Variants in EED observed in about 807,000 individuals in gnomAD.
EED encodes the protein polycomb protein EED.
Under a neutral mutation model 61.0 loss-of-function variants are expected in EED, and 9 were observed. The observed-to-expected ratio is 0.15, with a 90% CI of 0.09 to 0.26. The LOEUF (loss-of-function observed/expected upper bound fraction) is 0.26, where lower values mean the gene tolerates loss of function less well. Ranked by LOEUF, EED falls within the 10% of genes least tolerant of loss-of-function variation. The probability of loss-of-function intolerance (pLI) is 1.00; values close to 1 mark genes in which losing one functional copy is unlikely to be tolerated. For synonymous variants in EED, 187 were observed against 174.4 expected, an observed-to-expected ratio of 1.07 and a Z score of -0.57; for missense variants, 315 against 542.3, an observed-to-expected ratio of 0.58 and a Z score of 4.16.
chr11:86,248,358 A>G (rs1945442367), intron 1 of EED, among the ~76,000 whole-genome samples: 1 of 152,224 alleles, frequency 6.6e-6, no homozygotes, highest in South Asian at 2.1e-4. Context: ...CCTATTAACG[A>G]ATGTTTTGTG....
chr11:86,278,215 GTTGAAC>G, intron 11 of EED, 178 bp from the exon 12 acceptor site: 1 of 1,334,816 alleles, frequency 7.5e-7, no homozygotes. Context: ...TGTAGTGCTT[GTTGAAC>G]TTAAAATATA....
At chr11:86,270,482 A>G (rs1345571489) in intron 9 of EED, among the ~76,000 whole-genome samples, 1 of 151,548 alleles carries the variant, frequency 6.6e-6, no homozygotes, top group Non-Finnish European at 1.5e-5. Flanking sequence ...ATCCTCTTTA[A>G]TAGGGTCTTT....
chr11:86,267,000 G>A (rs1741126537), intron 8 of EED, among the ~76,000 whole-genome samples: 1 of 152,104 alleles, frequency 6.6e-6, no homozygotes, highest in Non-Finnish European at 1.5e-5. Context: ...TCAGACCTAA[G>A]TGTCCTCTAA....
rs1817362083 is a variant in EED at position 86,267,572 on chromosome 11, T to A, written c.861-884T>A. Among the ~76,000 whole-genome samples the A allele has an allele frequency of 2.0e-5, 3 of 152,262 alleles. No individual in the cohort carries two copies. The South Asian group carries it at 6.2e-4, about 32-fold the overall frequency. On this transcript the variant is annotated intron_variant, in intron 8 of 11. Coordinates refer to ENST00000263360, the MANE Select transcript of EED (RefSeq NM_003797.5). ...TTTAGTTTCCTAAATACAGAAATTA[T>A]TTGGAAAAGTCCTAGGAAATTTTAT... is the stretch of plus-strand genomic sequence containing the variant.
At chr11:86,275,266 A>G (rs1490528190) in intron 9 of EED, among the ~76,000 whole-genome samples, 2 of 152,326 alleles carry the variant, frequency 1.3e-5, no homozygotes, top group East Asian at 3.9e-4. Flanking sequence ...CATCTGCTAC[A>G]TTGTTCCACC....
intron 1 of EED, among the ~76,000 whole-genome samples, chr11:86,246,520 G>A (rs1425178913): frequency 6.6e-6 from 1 of 152,146 alleles, no homozygotes. Context: ...AGATGGGAAA[G>A]GATTCTTTTT....
chr11:86,263,997 C>T (rs1417564634), intron 6 of EED, 175 bp from the exon 7 acceptor site: 1 of 566,398 alleles, frequency 1.8e-6, no homozygotes, highest in Non-Finnish European at 3.1e-6. Context: ...TAGCACTTAC[C>T]TAGCTAATTC....
At chr11:86,251,845 C>T (rs1220359027) in intron 2 of EED, among the ~76,000 whole-genome samples, 1 of 152,146 alleles carries the variant, frequency 6.6e-6, no homozygotes, top group Non-Finnish European at 1.5e-5. Flanking sequence ...TATTGTGATT[C>T]AGAATATGAT....
At chr11:86,257,386 T>C in intron 5 of EED, 129 bp from the exon 6 acceptor site, 1 of 512,932 alleles carries the variant, frequency 1.9e-6, no homozygotes, top group Non-Finnish European at 3.1e-6. Context: ...TGTTGGGTGA[T>C]TTTAGTATGC....
In EED at chr11:86,268,533, G is replaced by A. The variant is rs2138204970; in HGVS notation, c.938G>A (p.Arg313Gln). The A allele has an allele frequency of 3.1e-6, 5 of 1,611,502 alleles. No homozygotes were observed. Among genetic ancestry groups the A allele is most frequent in the South Asian group, 1.1e-5 (1 of 90,296 alleles). ...DIHRNYVDCV[R>Q]WLGDLILSKS... The stretch of plus-strand genomic sequence containing the variant: ...CATAGGAATTATGTTGATTGTGTGC[G>A]ATGGTTAGGCGATTTGATACTTTCT... Residue 313 changes from arginine to glutamine, a missense_variant, in exon 9 of 12, where the codon CGA becomes CAA. By Grantham distance (43) the Arg-to-Gln change is conservative. Coordinates refer to ENST00000263360, the MANE Select transcript of EED (RefSeq NM_003797.5).
At chr11:86,255,118 G>A (rs1593731264) in intron 3 of EED, 104 bp from the exon 4 acceptor site, 2 of 848,818 alleles carry the variant, frequency 2.4e-6, no homozygotes, top group East Asian at 5.4e-5. Flanking sequence ...AGTAGTTTCT[G>A]TAGTATATTT....
chr11:86,273,436 A>G (rs1057281795), intron 9 of EED, among the ~76,000 whole-genome samples: 1 of 152,242 alleles, frequency 6.6e-6, no homozygotes, highest in Admixed American at 6.5e-5. Context: ...ACCATCAAAC[A>G]TAATTTAGAA....
At chr11:86,251,482 A>T (rs952312856) in intron 2 of EED, among the ~76,000 whole-genome samples, 5 of 152,200 alleles carry the variant, frequency 3.3e-5, no homozygotes, top group Non-Finnish European at 5.9e-5. Flanking sequence ...AGTGCCTTAA[A>T]CTGCATCTGA....
chr11:86,268,645 GA>G, intron 9 of EED, 84 bp downstream of exon 9: 1 of 883,662 alleles, frequency 1.1e-6, no homozygotes, highest in Non-Finnish European at 1.6e-6. Flanking sequence ...GCGCATGTTG[GA>G]ACTTGGCAGG....
chr11:86,272,043 C>G (rs1256664697), intron 9 of EED, among the ~76,000 whole-genome samples: 1 of 9,624 alleles, frequency 1.0e-4, no homozygotes, highest in Non-Finnish European at 2.0e-4. Flanking sequence ...AGAGATTGTG[C>G]AAAATTAGTG....
intron 9 of EED, 78 bp from the exon 10 acceptor site, chr11:86,276,902 T>C: frequency 2.3e-6 from 3 of 1,298,798 alleles, no homozygotes; most frequent in Non-Finnish European, 1.0e-6. Flanking sequence ...TCCAAAACAA[T>C]AGAAAAGCCT....
At chr11:86,285,177 T>C in the EED span, among the ~76,000 whole-genome samples, 5 of 152,094 alleles carry the variant, frequency 3.3e-5, no homozygotes, top group Non-Finnish European at 7.4e-5. Flanking sequence ...CGCAGCACTT[T>C]GGGAGGCCAA....
chr11:86,272,721 C>T (rs1468471453), intron 9 of EED, among the ~76,000 whole-genome samples: 1 of 152,144 alleles, frequency 6.6e-6, no homozygotes, highest in Non-Finnish European at 1.5e-5. Flanking sequence ...TTTTTCATTA[C>T]ATAATCTTTT....
chr11:86,250,438 A>G lies in EED; in HGVS notation c.257A>G (p.Asn86Ser), dbSNP rs1945500412. The change falls in exon 2 of 12, where the codon AAT becomes AGT. Residue 86 changes from asparagine to serine, a missense_variant. Physicochemically the swap from Asn to Ser is conservative, Grantham distance 46 (BLOSUM62 1). Transcript: ENST00000263360. The part of the protein sequence containing the change: ...KKCKYSFKCV[N>S]SLKEDHNQPL... ...TGCAAATATTCTTTCAAATGTGTAAATAGTCTCAAGGTATGTGCAAAAAAA... is the reference window on the plus strand; with the variant it reads ...TGCAAATATTCTTTCAAATGTGTAAGTAGTCTCAAGGTATGTGCAAAAAAA... 1 of 1,602,406 alleles carries G rather than the reference A, an allele frequency of 6.2e-7. No homozygotes were observed. Among genetic ancestry groups the G allele is most frequent in the Non-Finnish European group, 8.5e-7 (1 of 1,174,874 alleles).
Sources: allele counts gnomAD v4.1 joint callset (sites outside exome capture counted in the v4.1 genomes callset), GRCh38; gene constraint gnomAD v4.1.1; transcripts MANE v1.5; gene names NCBI Gene and HGNC (gene_info 2026-07-23, HGNC 2026-07-21).